Variants in TP53BP1 observed in about 807,000 individuals in gnomAD.
TP53BP1 encodes TP53-binding protein 1.
In TP53BP1, 61 loss-of-function variants were observed where a neutral mutation model predicts 200.8. The observed-to-expected ratio is 0.30, with a 90% CI of 0.25 to 0.38. The LOEUF is 0.38. Ranked by LOEUF, TP53BP1 falls within the 10% of genes least tolerant of loss-of-function variation. TP53BP1 has a pLI of 1.00. For synonymous variants in TP53BP1, 822 were observed against 844.3 expected, an observed-to-expected ratio of 0.97 and a Z score of 0.46; for missense variants, 2,144 against 2,371.9, an observed-to-expected ratio of 0.90 and a Z score of 2.00.
chr15:43,441,005 T>C (rs568873195), intron 15 of TP53BP1, among the ~76,000 whole-genome samples: 1 of 152,340 alleles, frequency 6.6e-6, no homozygotes, highest in African/African-American at 2.4e-5. Flanking sequence ...AGCCACCAGA[T>C]GGCAAAGCTT....
intron 11 of TP53BP1, among the ~76,000 whole-genome samples, chr15:43,461,410 A>T (rs1393099078): frequency 6.6e-6 from 1 of 151,610 alleles, no homozygotes; most frequent in Non-Finnish European, 1.5e-5. Flanking sequence ...TAGAGACGAG[A>T]TTTTGCCATG....
chr15:43,422,341 C>T (rs534779317), intron 18 of TP53BP1, among the ~76,000 whole-genome samples: 2 of 148,664 alleles, frequency 1.3e-5, no homozygotes, highest in South Asian at 2.1e-4. Flanking sequence ...AGGATCTGTT[C>T]TTTTTTTTTT....
rs2143001087 is a variant in TP53BP1, at chr15:43,438,431, T to C, written c.3099-15A>G. The C allele has an allele frequency of 3.8e-6, 6 of 1,590,604 alleles. No homozygotes were observed. The South Asian group carries it at 6.8e-5, about 18-fold the overall frequency. On this transcript the variant is annotated splice_polypyrimidine_tract_variant and intron_variant, in intron 15 of 27. Coordinates refer to ENST00000382044, the MANE Select transcript of TP53BP1 (RefSeq NM_001141980.3). ...TCTTCTGGGGACTAAGACAATATAT[T>C]AAAGCAATATATTGTTAACTTTGAA...
At chr15:43,493,262 C>T, upstream of TP53BP1, 5 of 1,416,696 alleles carry the variant, frequency 3.5e-6, 1 homozygote, top group East Asian at 1.3e-4. Context: ...AGTGCCCTGC[C>T]CCACGTAAGA....
In TP53BP1 at chr15:43,456,252, A is replaced by G. The variant is rs2143009995; in HGVS notation, c.2356T>C (p.Cys786Arg). The G allele has an allele frequency of 6.2e-7, 1 of 1,614,162 alleles. No individual in the cohort carries two copies. The highest frequency in any genetic ancestry group is 2.2e-5 in the East Asian group (1 of 44,882). Reference protein sequence around the residue: ...SCEPLEGVEKCSDSQSWEDIA... With the variant: ...SCEPLEGVEKRSDSQSWEDIA... ...TCCTCCCATGACTGGGAATCTGAGC[A>G]CTTCTCCACTCCCTCCAAAGGTTCA... is the stretch of plus-strand genomic sequence containing the variant. Residue 786 changes from cysteine to arginine, a missense_variant, in exon 12 of 28, where the codon TGC (cysteine) becomes CGC (arginine). Transcript: ENST00000382044.
chr15:43,410,561 A>G (rs1194209730), intron 24 of TP53BP1, among the ~76,000 whole-genome samples: 1 of 152,008 alleles, frequency 6.6e-6, no homozygotes, highest in African/African-American at 2.4e-5. Flanking sequence ...ACATTAAAAA[A>G]AAAAAGAAAA....
chr15:43,415,202 CT>C (rs763958465), intron 23 of TP53BP1: 4,023 of 187,190 alleles, frequency 0.021, 3 homozygotes, highest in South Asian at 0.038. Flanking sequence ...TCCTGGCCTT[CT>C]TTTTTTTTTT....
chr15:43,435,401 T>C (rs997152041), intron 16 of TP53BP1, among the ~76,000 whole-genome samples: 16 of 152,046 alleles, frequency 1.1e-4, no homozygotes, highest in Admixed American at 6.6e-4. Context: ...TCCAGCTAGA[T>C]TCCCAGATCT....
intron 14 of TP53BP1, among the ~76,000 whole-genome samples, chr15:43,442,745 G>A (rs1033775070): frequency 2.0e-4 from 29 of 145,354 alleles, no homozygotes; most frequent in South Asian, 1.1e-3. Context: ...TGATTCACCC[G>A]CCTCAGGTTC....
chr15:43,437,800 C>T (rs536313), intron 16 of TP53BP1, among the ~76,000 whole-genome samples: 69,887 of 152,104 alleles, frequency 0.46, 20,871 homozygotes, highest in African/African-American at 0.85. Flanking sequence ...GCTCACAAAA[C>T]AGTAGCAGTA....
intron 6 of TP53BP1, 101 bp downstream of exon 6, chr15:43,479,758 T>G: frequency 7.1e-7 from 1 of 1,404,868 alleles, no homozygotes; most frequent in Non-Finnish European, 9.8e-7. Context: ...ACTTAGATTA[T>G]ATTAATTTGG....
intron 1 of TP53BP1, among the ~76,000 whole-genome samples, chr15:43,510,178 AG>A (rs1037200224): frequency 2.9e-4 from 23 of 79,548 alleles, no homozygotes; most frequent in East Asian, 1.2e-3. Flanking sequence ...GGGGGGTGGG[AG>A]GGGGGGAAGT....
In TP53BP1 at chr15:43,446,545, A is replaced by C; in HGVS notation, c.2882T>G (p.Met961Arg). 6.2e-7 allele frequency: 1 copy of C among 1,614,176 alleles called. No individual in the cohort carries two copies. Among genetic ancestry groups the C allele is most frequent in the South Asian group, 1.1e-5 (1 of 91,084 alleles). ...PESTIATSDVMSESMVETHDP... is the reference protein window; with the variant it reads ...PESTIATSDVRSESMVETHDP... ...ATGGGTCTCCACCATGCTTTCAGAC[A>C]TGACATCACTGGTTGCTATGGTGCT... Residue 961 changes from methionine to arginine, a missense_variant, in exon 14 of 28, where the codon ATG becomes AGG. This residue lies in a region of TP53BP1 where 1,700 missense variants were observed against 1,710.3 expected (regional missense o/e 0.99). Transcript: ENST00000382044.
chr15:43,460,528 G>C (rs910789299), intron 11 of TP53BP1, among the ~76,000 whole-genome samples: 1 of 152,090 alleles, frequency 6.6e-6, no homozygotes, highest in Non-Finnish European at 1.5e-5. Flanking sequence ...CAAACTGCTA[G>C]GATTACAGGC....
intron 13 of TP53BP1, 175 bp downstream of exon 13, chr15:43,447,191 A>T: frequency 1.6e-5 from 9 of 568,998 alleles, no homozygotes; most frequent in Admixed American, 3.4e-5. Flanking sequence ...TCCTCTCTTT[A>T]CCCCTCATCT....
rs1346871922 is a variant in TP53BP1 at position 43,456,212 on chromosome 15, A to C, written c.2396T>G (p.Ile799Arg). ...TAATCTATTCTCAGCACATGGTTCTATTTCTGGAGCAATATCCTCCCATGA... is the reference window on the plus strand; with the variant it reads ...TAATCTATTCTCAGCACATGGTTCTCTTTCTGGAGCAATATCCTCCCATGA... ...SQSWEDIAPE[I>R]EPCAENRLDT... Residue 799 changes from isoleucine (I) to arginine (R), a missense_variant, in exon 12 of 28, where the codon ATA (isoleucine) becomes AGA (arginine). Around this residue, in one of 4 missense-constraint regions of TP53BP1, gnomAD observed 1,700 missense variants for 1,710.3 expected, o/e 0.99. Transcript: ENST00000382044. The C allele has an allele frequency of 1.2e-6, 2 of 1,614,108 alleles. No homozygotes were observed. Among genetic ancestry groups the C allele is most frequent in the Admixed American group, 1.7e-5 (1 of 60,014 alleles).
intron 1 of TP53BP1, among the ~76,000 whole-genome samples, 185 bp downstream of exon 1, chr15:43,492,852 G>A (rs1013419634): frequency 6.8e-6 from 1 of 146,564 alleles, no homozygotes; most frequent in African/African-American, 2.5e-5. Flanking sequence ...CAGCCTTTCA[G>A]CTTTCCTCAC....
intron 21 of TP53BP1, among the ~76,000 whole-genome samples, chr15:43,419,298 G>A (rs986407420): frequency 6.6e-6 from 1 of 152,168 alleles, no homozygotes; most frequent in East Asian, 1.9e-4. Flanking sequence ...GTGATGTCAT[G>A]TGGATACATC....
chr15:43,485,735 C>T (rs1350312396), intron 4 of TP53BP1, among the ~76,000 whole-genome samples: 2 of 150,472 alleles, frequency 1.3e-5, no homozygotes, highest in Admixed American at 6.6e-5. Context: ...CCCAGCTACT[C>T]AGGAGGCTGA....
Sources: allele counts gnomAD v4.1 joint callset (sites outside exome capture counted in the v4.1 genomes callset), GRCh38; gene constraint gnomAD v4.1.1; regional missense constraint gnomAD v4.1.1; transcripts MANE v1.5; gene names NCBI Gene and HGNC (gene_info 2026-07-23, HGNC 2026-07-21).